RAB28: variants seen among roughly 807,000 people sequenced by gnomAD.
RAB28 encodes RAB28, member RAS oncogene family.
Under a neutral mutation model 31.7 loss-of-function variants are expected in RAB28, and 24 were observed. That is an observed-to-expected ratio of 0.76 (90% confidence interval 0.55 to 1.06). The LOEUF is 1.06. RAB28 is among the 50% of genes least tolerant of loss of function. The pLI, the probability that RAB28 is intolerant of heterozygous loss-of-function variation, is 0.00. For synonymous variants in RAB28, 100 were observed against 90.4 expected (o/e 1.11, Z -0.60); for missense variants, 254 against 258.5 (o/e 0.98, Z 0.12).
chr4:13,386,103 A>G (rs1270786131), intron 4 of RAB28, among the ~76,000 whole-genome samples: 2 of 152,108 alleles, frequency 1.3e-5, no homozygotes, highest in Non-Finnish European at 1.5e-5. Flanking sequence ...GAAAATATTT[A>G]CAAACTCTGA....
chr4:13,406,395 C>T (rs1361806771), intron 4 of RAB28, among the ~76,000 whole-genome samples: 3 of 152,174 alleles, frequency 2.0e-5, no homozygotes, highest in African/African-American at 4.8e-5. Context: ...TTTATCCAGT[C>T]TACCATTGGT....
At chr4:13,430,633 T>C (rs962957741) in intron 4 of RAB28, among the ~76,000 whole-genome samples, 1 of 152,198 alleles carries the variant, frequency 6.6e-6, no homozygotes, top group Non-Finnish European at 1.5e-5. Context: ...GGTGTCATGA[T>C]GGTTGTGTAC....
chr4:13,467,078 AT>A (rs555866011), intron 3 of RAB28, among the ~76,000 whole-genome samples: 4 of 151,294 alleles, frequency 2.6e-5, no homozygotes, highest in Admixed American at 6.6e-5. Context: ...AGATATAAAG[AT>A]TTTTTTTTGA....
intron 1 of RAB28, among the ~76,000 whole-genome samples, chr4:13,480,750 A>G (rs762113020): frequency 7.9e-5 from 12 of 151,942 alleles, no homozygotes; most frequent in Non-Finnish European, 1.6e-4. Flanking sequence ...GCACTACCAT[A>G]TAAAGGGTAT....
chr4:13,370,764 T>G (rs1728684655), intron 6 of RAB28: 2 of 984,880 alleles, frequency 2.0e-6, no homozygotes, highest in African/African-American at 3.5e-5. Context: ...AAAATGCAGT[T>G]GCAGGTCATG....
At chr4:13,376,248 G>T (rs185769784) in intron 6 of RAB28, among the ~76,000 whole-genome samples, 1 of 152,122 alleles carries the variant, frequency 6.6e-6, no homozygotes, top group African/African-American at 2.4e-5. Context: ...ATAAAGAAGT[G>T]CCAAACAATG....
At chr4:13,469,642 T>C (rs1398252546) in intron 3 of RAB28, among the ~76,000 whole-genome samples, 1 of 152,058 alleles carries the variant, frequency 6.6e-6, no homozygotes, top group East Asian at 1.9e-4. Flanking sequence ...CCATATCTAA[T>C]AAGCATGATG....
In RAB28 at chr4:13,473,142, T is replaced by G. The variant is rs1716197289; in HGVS notation, c.261+1176A>C. 2.0e-5 allele frequency among the ~76,000 whole-genome samples: 3 copies of G among 151,952 alleles called. No individual in the cohort carries two copies. In the South Asian group the frequency reaches 6.2e-4, roughly 31 times the overall value. On this transcript the variant is annotated intron_variant, in intron 3 of 6. Transcript: ENST00000330852. ...TTTACAAAATAAATCAGAATCTATT[T>G]TTCATCCAAAATCAAGGCAACGGTA... is the stretch of plus-strand genomic sequence containing the variant.
intron 4 of RAB28, among the ~76,000 whole-genome samples, chr4:13,432,993 AAAG>A (rs1462146448): frequency 6.6e-6 from 1 of 151,984 alleles, no homozygotes; most frequent in Non-Finnish European, 1.5e-5. Context: ...AAAAAAAAAA[AAAG>A]AAACGGAATT....
chr4:13,390,695 A>C (rs2108890276), intron 4 of RAB28, among the ~76,000 whole-genome samples: 1 of 152,308 alleles, frequency 6.6e-6, no homozygotes, highest in Middle Eastern at 3.4e-3. Context: ...TGGTACTACT[A>C]CCAAAACAGA....
chr4:13,380,353 T>A (rs1729079206), intron 5 of RAB28, among the ~76,000 whole-genome samples: 1 of 152,076 alleles, frequency 6.6e-6, no homozygotes, highest in African/African-American at 2.4e-5. Context: ...TTGAAAAATG[T>A]CAACTGGAAA....
chr4:13,372,482 G>A (rs902932516), intron 6 of RAB28, among the ~76,000 whole-genome samples: 1 of 151,990 alleles, frequency 6.6e-6, no homozygotes, highest in Non-Finnish European at 1.5e-5. Flanking sequence ...GATCTCTAAA[G>A]TCCCATCTGG....
intron 1 of RAB28, among the ~76,000 whole-genome samples, chr4:13,480,872 G>A (rs1196874913): frequency 1.3e-5 from 2 of 151,008 alleles, no homozygotes; most frequent in Non-Finnish European, 3.0e-5. Context: ...ACAGACCATT[G>A]TTTCTCATCT....
intron 4 of RAB28, among the ~76,000 whole-genome samples, chr4:13,389,327 T>A (rs1179589683): frequency 1.3e-5 from 2 of 152,088 alleles, no homozygotes; most frequent in Non-Finnish European, 2.9e-5. Context: ...AAGTTGTTGT[T>A]TCATGGCTAT....
intron 4 of RAB28, among the ~76,000 whole-genome samples, chr4:13,389,295 G>A (rs1362778842): frequency 6.6e-6 from 1 of 152,088 alleles, no homozygotes; most frequent in East Asian, 1.9e-4. Flanking sequence ...GGTTGCCAGG[G>A]GATGTAGGCA....
At chr4:13,393,885 A>C (rs929147211) in intron 4 of RAB28, among the ~76,000 whole-genome samples, 3 of 150,454 alleles carry the variant, frequency 2.0e-5, no homozygotes, top group Non-Finnish European at 3.0e-5. Context: ...CAGTACATGC[A>C]CTTCTTTAAA....
chr4:13,464,879 T>A (rs944525234), intron 3 of RAB28, among the ~76,000 whole-genome samples: 3 of 151,886 alleles, frequency 2.0e-5, no homozygotes, highest in African/African-American at 7.3e-5. Flanking sequence ...GACAGGCAAT[T>A]TTAAGTAACT....
At chr4:13,479,360 T>G in intron 2 of RAB28, 70 bp downstream of exon 2, 1 of 1,180,984 alleles carries the variant, frequency 8.5e-7, no homozygotes, top group Non-Finnish European at 1.2e-6. Flanking sequence ...TTTTACACAT[T>G]TCTTTCTTAT....
Position 13,431,556 on chromosome 4 carries a change from T to C in RAB28, c.391+29143A>G, listed in dbSNP as rs977346109. Among the ~76,000 whole-genome samples, 11 of 152,058 alleles carry C rather than the reference T, an allele frequency of 7.2e-5. 2 individuals carry two copies. Among genetic ancestry groups the C allele is most frequent in the Admixed American group, 7.2e-4 (11 of 15,264 alleles). On this transcript the variant is annotated intron_variant, in intron 4 of 6. Coordinates refer to ENST00000330852, the MANE Select transcript of RAB28 (RefSeq NM_001017979.3). ...AAGAGCTTAGTGTTAGTCCACGAGATAAGATTCTGGAGACCTCCACACCAT... is the reference window on the plus strand; with the variant it reads ...AAGAGCTTAGTGTTAGTCCACGAGACAAGATTCTGGAGACCTCCACACCAT...
Sources: allele counts gnomAD v4.1 joint callset (sites outside exome capture counted in the v4.1 genomes callset), GRCh38; gene constraint gnomAD v4.1.1; transcripts MANE v1.5; gene names NCBI Gene and HGNC (gene_info 2026-07-23, HGNC 2026-07-21).